IQGAP2: variants seen among roughly 807,000 people sequenced by gnomAD.
IQGAP2 encodes IQ motif containing GTPase activating protein 2.
In IQGAP2, 173 loss-of-function variants were observed where a neutral mutation model predicts 201.3. The ratio of observed to expected loss-of-function variants is 0.86; its 90% confidence interval spans 0.76 to 0.98. The LOEUF is 0.98. IQGAP2 is among the 50% of genes least tolerant of loss of function. The pLI is 0.00. For missense variants in IQGAP2, 1,687 were observed against 1,864.8 expected (o/e 0.90, Z 1.76); for synonymous variants, 675 against 673.9 (o/e 1.00, Z -0.03).
intron 28 of IQGAP2, among the ~76,000 whole-genome samples, chr5:76,679,212 G>A (rs1285826951): frequency 1.3e-5 from 2 of 152,226 alleles, no homozygotes; most frequent in African/African-American, 4.8e-5. Flanking sequence ...TAGAGTGAGA[G>A]ATTCTTTCCC....
At chr5:76,606,470 T>G in intron 12 of IQGAP2, 167 bp downstream of exon 12, 1 of 419,298 alleles carries the variant, frequency 2.4e-6, no homozygotes, top group South Asian at 6.9e-5. Flanking sequence ...CCTATACCAC[T>G]GTACCAATAT....
At chr5:76,476,354 G>A (rs1304540633) in intron 2 of IQGAP2, among the ~76,000 whole-genome samples, 1 of 152,150 alleles carries the variant, frequency 6.6e-6, no homozygotes, top group Non-Finnish European at 1.5e-5. Context: ...GACAGGATGT[G>A]GCCTGGGAGA....
chr5:76,633,551 A>G (rs1321155475), intron 15 of IQGAP2, among the ~76,000 whole-genome samples: 3 of 152,190 alleles, frequency 2.0e-5, no homozygotes, highest in Non-Finnish European at 4.4e-5. Flanking sequence ...GAAATAATTT[A>G]TATGCCATAA....
intron 22 of IQGAP2, among the ~76,000 whole-genome samples, chr5:76,667,184 T>C (rs1743856886): frequency 1.3e-5 from 2 of 152,162 alleles, no homozygotes; most frequent in African/African-American, 4.8e-5. Context: ...TCTTTAGTTA[T>C]AGAGTAAGTT....
intron 23 of IQGAP2, among the ~76,000 whole-genome samples, chr5:76,669,870 C>T (rs1408324562): frequency 7.9e-5 from 12 of 152,194 alleles, no homozygotes; most frequent in Non-Finnish European, 1.5e-4. Context: ...CTTCCTAGGC[C>T]GGAGTGCAAT....
chr5:76,615,706 G>T (rs1350933822), intron 13 of IQGAP2: 1 of 151,692 alleles, frequency 6.6e-6, no homozygotes, highest in Non-Finnish European at 1.5e-5. Flanking sequence ...CTTCCTTCCT[G>T]TCTAATCACT....
intron 2 of IQGAP2, among the ~76,000 whole-genome samples, chr5:76,519,587 T>A (rs1409061407): frequency 6.6e-6 from 1 of 152,222 alleles, no homozygotes; most frequent in Non-Finnish European, 1.5e-5. Context: ...AGATGTATGG[T>A]TAACTTTATA....
At chr5:76,531,074 C>A (rs1376357041) in intron 2 of IQGAP2, among the ~76,000 whole-genome samples, 1 of 152,138 alleles carries the variant, frequency 6.6e-6, no homozygotes, top group Non-Finnish European at 1.5e-5. Context: ...TTGTAAGGAA[C>A]AGAAATTTAT....
chr5:76,644,294 C>T (rs78999573), intron 17 of IQGAP2, among the ~76,000 whole-genome samples: 1 of 24,660 alleles, frequency 4.1e-5, no homozygotes, highest in African/African-American at 1.2e-4. Flanking sequence ...TTTTGTAAAT[C>T]CTTTTTTTTT....
intron 1 of IQGAP2, among the ~76,000 whole-genome samples, chr5:76,445,026 T>G (rs1753293191): frequency 6.6e-6 from 1 of 152,230 alleles, no homozygotes; most frequent in Admixed American, 6.5e-5. Flanking sequence ...GAGGCTAAAT[T>G]TGATACAAGA....
intron 12 of IQGAP2, among the ~76,000 whole-genome samples, chr5:76,609,719 G>A (rs1275997978): frequency 6.6e-6 from 1 of 151,796 alleles, no homozygotes; most frequent in South Asian, 2.1e-4. Context: ...CCTTAAAAAT[G>A]CTTATATTCT....
At chr5:76,507,563 T>G (rs1757676836) in intron 2 of IQGAP2, among the ~76,000 whole-genome samples, 1 of 152,306 alleles carries the variant, frequency 6.6e-6, no homozygotes, top group South Asian at 2.1e-4. Context: ...AATTAAAAAT[T>G]TCCGTTCTGT....
At chr5:76,526,474 A>G (rs1024752830) in intron 2 of IQGAP2, among the ~76,000 whole-genome samples, 5 of 152,350 alleles carry the variant, frequency 3.3e-5, no homozygotes, top group Admixed American at 6.5e-5. Flanking sequence ...TGGAGAAAAG[A>G]GAAAGCATTA....
chr5:76,533,586 G>A (rs963387649), intron 2 of IQGAP2, among the ~76,000 whole-genome samples: 1 of 151,712 alleles, frequency 6.6e-6, no homozygotes, highest in Non-Finnish European at 1.5e-5. Context: ...TGTCGCCCAG[G>A]CTTGAGTGCA....
At chr5:76,500,282 T>G (rs530110928) in intron 2 of IQGAP2, among the ~76,000 whole-genome samples, 1 of 152,126 alleles carries the variant, frequency 6.6e-6, no homozygotes, top group East Asian at 1.9e-4. Flanking sequence ...AGTGGCTGCA[T>G]TTGTTCATTG....
intron 1 of IQGAP2, among the ~76,000 whole-genome samples, chr5:76,461,237 G>A (rs146190342): frequency 5.9e-5 from 9 of 151,824 alleles, no homozygotes; most frequent in East Asian, 2.0e-4. Context: ...GTGTGGTGGC[G>A]TGTGCCTGTA....
At position 76,644,282 on chromosome 5, in the gene IQGAP2, ATTTTTGTAAATCCTTTTT is replaced by A. The variant is rs1267628038; in HGVS notation, c.2094+3185_2094+3202del. 2.2e-3 allele frequency among the ~76,000 whole-genome samples: 166 copies of A among 75,982 alleles called. No homozygotes were observed. In the South Asian group the frequency reaches 0.023, roughly 10 times the overall value. 49.8% of individuals were successfully genotyped at this position (75,982 alleles called of 152,430 possible). A position where few individuals can be genotyped will look rare whatever the true frequency, so the allele number is the denominator to read the frequency against. ...TACCAGGCAGGAGAATGAGACTGCC[ATTTTTGTAAATCCTTTTT>A]TTTTTTTTTTTTTTTTTGAGACAGA... On this transcript the variant is annotated intron_variant, in intron 17 of 35. Transcript: ENST00000274364.
At chr5:76,463,959 T>A (rs1260835111) in intron 2 of IQGAP2, among the ~76,000 whole-genome samples, 1 of 151,968 alleles carries the variant, frequency 6.6e-6, no homozygotes, top group Non-Finnish European at 1.5e-5. Context: ...GTGATTCTCC[T>A]GCCTCAGCCT....
chr5:76,678,495 A>T (rs1302046445), intron 28 of IQGAP2, among the ~76,000 whole-genome samples: 1 of 152,142 alleles, frequency 6.6e-6, no homozygotes, highest in Non-Finnish European at 1.5e-5. Flanking sequence ...AACTTATTTC[A>T]TGAAAAAATC....
Sources: allele counts gnomAD v4.1 joint callset (sites outside exome capture counted in the v4.1 genomes callset), GRCh38; gene constraint gnomAD v4.1.1; transcripts MANE v1.5; gene names NCBI Gene and HGNC (gene_info 2026-07-23, HGNC 2026-07-21).